The following CFDP1 variants were observed in gnomAD, a reference collection of about 807,000 sequenced individuals.
CFDP1 encodes chromatin remodeling protein CFDP1, also known as heterochromatin-stabilizing protein CFDP1.
A neutral mutation model predicts 40.1 loss-of-function variants in CFDP1; 31 were observed. That is an observed-to-expected ratio of 0.77 (90% CI 0.58 to 1.04). The LOEUF is 1.04. Ranked by LOEUF, CFDP1 falls within the 50% of genes least tolerant of loss-of-function variation. The pLI is 0.00. For synonymous variants in CFDP1, 167 were observed against 120.0 expected (o/e 1.39, Z -2.56); for missense variants, 423 against 343.4 (o/e 1.23, Z -1.83).
At chr16:75,349,682 A>ATATATATATATATATATATATATATAT (rs60815655) in intron 5 of CFDP1, among the ~76,000 whole-genome samples, 1 of 7,402 alleles carries the variant, frequency 1.4e-4, no homozygotes, top group Admixed American at 3.4e-3. Flanking sequence ...AAAAAAAAAA[A>ATATATATATATATATATATATATATAT]AAAAAAAAAT....
chr16:75,309,357 G>A lies in CFDP1; in HGVS notation c.651-4175C>T, dbSNP rs145937906. 1.6e-3 allele frequency among the ~76,000 whole-genome samples: 246 copies of A among 151,942 alleles called. No homozygotes were observed. The East Asian group carries it at 0.016, about 10-fold the overall frequency. ...AATCAGTCTCTGGGCAGGGGGCGCT[G>A]ACCCTATTCTGAGAAAGAACACAGA... On this transcript the variant is annotated intron_variant, in intron 5 of 6. Transcript: ENST00000283882.
intron 5 of CFDP1, among the ~76,000 whole-genome samples, chr16:75,320,262 C>T (rs572845835): frequency 2.6e-5 from 4 of 152,236 alleles, no homozygotes; most frequent in African/African-American, 7.2e-5. Flanking sequence ...GAGACCCCCT[C>T]GGAGCATGCG....
intron 6 of CFDP1, among the ~76,000 whole-genome samples, chr16:75,300,596 T>C (rs2078215315): frequency 6.6e-6 from 1 of 152,180 alleles, no homozygotes; most frequent in Non-Finnish European, 1.5e-5. Flanking sequence ...CCCAAGTTTT[T>C]CTTTTAACAG....
At chr16:75,406,191 A>G (rs1405780161) in intron 4 of CFDP1, among the ~76,000 whole-genome samples, 1 of 151,858 alleles carries the variant, frequency 6.6e-6, no homozygotes, top group Non-Finnish European at 1.5e-5. Context: ...CCTAAGCAAC[A>G]TAGGGAGACC....
At chr16:75,428,715 GAAAGGA>G (rs911959871) in intron 1 of CFDP1, among the ~76,000 whole-genome samples, 1 of 150,976 alleles carries the variant, frequency 6.6e-6, no homozygotes, top group African/African-American at 2.4e-5. Context: ...AGAGAGGAAA[GAAAGGA>G]AAAGGAAAAG....
chr16:75,392,874 T>C (rs2078963882), intron 5 of CFDP1, among the ~76,000 whole-genome samples: 1 of 152,264 alleles, frequency 6.6e-6, no homozygotes, highest in Admixed American at 6.5e-5. Flanking sequence ...ATGTCATTTC[T>C]ACTGTGGTAG....
chr16:75,423,107 C>T (rs533243627), intron 1 of CFDP1, among the ~76,000 whole-genome samples: 4 of 151,926 alleles, frequency 2.6e-5, no homozygotes, highest in Non-Finnish European at 5.9e-5. Flanking sequence ...GGTGAAACCC[C>T]ATCTCTACTA....
chr16:75,332,519 T>C (rs1002022281), intron 5 of CFDP1, among the ~76,000 whole-genome samples: 1 of 151,498 alleles, frequency 6.6e-6, no homozygotes, highest in African/African-American at 2.4e-5. Flanking sequence ...TAAAATACAG[T>C]AGCTCGATGT....
intron 5 of CFDP1, among the ~76,000 whole-genome samples, chr16:75,311,957 G>A (rs149226846): frequency 6.6e-6 from 1 of 152,062 alleles, no homozygotes; most frequent in Non-Finnish European, 1.5e-5. Context: ...AGCCACGGAA[G>A]GTCTGACACT....
rs181409595 is a variant in CFDP1, at chr16:75,328,966, C to T, written c.651-23784G>A. ...GGTTCATGAGATTCTCCTGCCTCGG[C>T]CTCCCGAGCAGCTGGGACTACAGGC... On this transcript the variant is annotated intron_variant, in intron 5 of 6. Coordinates refer to ENST00000283882, the MANE Select transcript of CFDP1 (RefSeq NM_006324.3). Among the ~76,000 whole-genome samples, 117 of 152,042 alleles carry T rather than the reference C, an allele frequency of 7.7e-4. 2 individuals are homozygous for T. The highest frequency in any genetic ancestry group is 2.7e-3 in the African/African-American group (114 of 41,462).
In CFDP1 at chr16:75,377,139, G is replaced by A. The variant is rs539479519; in HGVS notation, c.650+17951C>T. Among the ~76,000 whole-genome samples the A allele has an allele frequency of 7.6e-4, 116 of 152,338 alleles. 2 individuals carry two copies. In the South Asian group the frequency reaches 0.024, roughly 31 times the overall value. ...AAGCCCCAACTGGGGGCTTGGCTGT[G>A]CCCTGTATCAGTTATATGGATGTAT... On this transcript the variant is annotated intron_variant, in intron 5 of 6. Coordinates refer to ENST00000283882, the MANE Select transcript of CFDP1 (RefSeq NM_006324.3).
At chr16:75,425,124 T>TTAA (rs2079322933) in intron 1 of CFDP1, among the ~76,000 whole-genome samples, 1 of 151,804 alleles carries the variant, frequency 6.6e-6, no homozygotes, top group African/African-American at 2.4e-5. Context: ...AAATATAAGA[T>TTAA]CGTTAAATTG....
At chr16:75,371,813 T>G (rs1013412197) in intron 5 of CFDP1, among the ~76,000 whole-genome samples, 1 of 152,230 alleles carries the variant, frequency 6.6e-6, no homozygotes, top group African/African-American at 2.4e-5. Context: ...TATACGTTTT[T>G]AATAGTTTTA....
intron 5 of CFDP1, among the ~76,000 whole-genome samples, chr16:75,318,123 A>G (rs1173049567): frequency 6.6e-6 from 1 of 152,014 alleles, no homozygotes. Context: ...TGGGTGACAG[A>G]GTGAGACTCC....
intron 5 of CFDP1, among the ~76,000 whole-genome samples, chr16:75,311,208 G>A (rs2078290950): frequency 2.0e-5 from 3 of 152,218 alleles, no homozygotes; most frequent in East Asian, 1.9e-4. Flanking sequence ...AGTACTCAGT[G>A]CTTTTGATGC....
chr16:75,339,829 G>GA (rs2078514297), intron 5 of CFDP1, among the ~76,000 whole-genome samples: 1 of 152,208 alleles, frequency 6.6e-6, no homozygotes, highest in Non-Finnish European at 1.5e-5. Context: ...TCACCAGGTA[G>GA]AAGCTGTTCT....
At chr16:75,375,193 C>G (rs1324167504) in intron 5 of CFDP1, among the ~76,000 whole-genome samples, 1 of 151,650 alleles carries the variant, frequency 6.6e-6, no homozygotes, top group Admixed American at 6.6e-5. Flanking sequence ...ACACAAAAAG[C>G]ACTAACTGTA....
intron 4 of CFDP1, among the ~76,000 whole-genome samples, chr16:75,402,707 T>A (rs2079065985): frequency 6.6e-6 from 1 of 152,142 alleles, no homozygotes; most frequent in Non-Finnish European, 1.5e-5. Flanking sequence ...AATTAAAAGA[T>A]ATGCTCAAAT....
intron 5 of CFDP1, among the ~76,000 whole-genome samples, chr16:75,331,205 A>G (rs1347712842): frequency 6.6e-6 from 1 of 152,166 alleles, no homozygotes; most frequent in Non-Finnish European, 1.5e-5. Flanking sequence ...AGTCATTTTC[A>G]TCTTTCCCAG....
Sources: allele counts gnomAD v4.1 joint callset (sites outside exome capture counted in the v4.1 genomes callset), GRCh38; gene constraint gnomAD v4.1.1; transcripts MANE v1.5; gene names NCBI Gene and HGNC (gene_info 2026-07-23, HGNC 2026-07-21).